The following COL6A6 variants were observed in gnomAD, a reference collection of about 807,000 sequenced individuals.
The protein encoded by COL6A6 is collagen alpha-6(VI) chain.
A neutral mutation model predicts 208.6 loss-of-function variants in COL6A6; 183 were observed. The observed-to-expected ratio is 0.88, with a 90% CI of 0.78 to 0.99. The LOEUF is 0.99. COL6A6 is among the 50% of genes least tolerant of loss of function. The pLI is 0.00. For missense variants in COL6A6, 2,816 were observed against 2,815.2 expected, an observed-to-expected ratio of 1.00 and a Z score of -0.01; for synonymous variants, 973 against 1,011.8, an observed-to-expected ratio of 0.96 and a Z score of 0.73.
Position 130,599,790 on chromosome 3 carries a change from C to T in COL6A6, c.4633C>T (p.Pro1545Ser). The T allele has an allele frequency of 6.2e-7, 1 of 1,613,718 alleles. No individual in the cohort carries two copies. The highest frequency in any genetic ancestry group is 8.5e-7 in the Non-Finnish European group (1 of 1,179,756). The stretch of plus-strand genomic sequence containing the variant: ...AGGCTGGCCAGGCCCCCCCGGGACA[C>T]CAGGCTCCAGAAGAAAGACAGTAAG... ...RRGWPGPPGT[P>S]GSRRKTAAHG... The change falls in exon 20 of 37, where the codon CCA becomes TCA. Residue 1545 changes from proline (P) to serine (S), a missense_variant. By Grantham distance (74) the Pro-to-Ser change is moderately conservative. Coordinates refer to ENST00000358511, the MANE Select transcript of COL6A6 (RefSeq NM_001102608.3).
intron 1 of COL6A6, among the ~76,000 whole-genome samples, chr3:130,523,427 G>A (rs893232596): frequency 2.6e-5 from 4 of 152,148 alleles, no homozygotes; most frequent in Non-Finnish European, 5.9e-5. Context: ...TGAAGTATCT[G>A]TTGTATGAAT....
intron 18 of COL6A6, 114 bp downstream of exon 18, chr3:130,594,457 G>A (rs903479332): frequency 5.3e-6 from 4 of 755,308 alleles, no homozygotes; most frequent in African/African-American, 5.3e-5. Context: ...AACACCACAG[G>A]CATGATTGTA....
intron 33 of COL6A6, among the ~76,000 whole-genome samples, chr3:130,651,179 G>A (rs979282350): frequency 1.3e-5 from 2 of 152,158 alleles, no homozygotes; most frequent in African/African-American, 4.8e-5. Context: ...TGTAATCCCA[G>A]CATTTTGGGA....
intron 1 of COL6A6, among the ~76,000 whole-genome samples, chr3:130,543,416 A>G (rs1023721722): frequency 1.3e-5 from 2 of 151,860 alleles, no homozygotes; most frequent in African/African-American, 4.8e-5. Context: ...CTTTGTTCCT[A>G]TTTTTATCTT....
rs749860770 is a variant in COL6A6, at chr3:130,574,096, G to A, written c.3118G>A (p.Gly1040Arg). The change falls in exon 8 of 37, where the codon GGA (glycine) becomes AGA (arginine). Residue 1040 changes from glycine to arginine, a missense_variant. Transcript: ENST00000358511. ...FDVSLNRVRI[G>R]AAQFSDTYHP... ...TGTCAGCCTCAACAGAGTGCGAATA[G>A]GAGCGGCCCAGTTTAGCGATACCTA... 2 of 1,613,966 alleles carry A rather than the reference G, an allele frequency of 1.2e-6. No individual in the cohort carries two copies. Among genetic ancestry groups the A allele is most frequent in the South Asian group, 1.1e-5 (1 of 91,078 alleles).
Position 130,649,536 on chromosome 3 carries a change from G to T in COL6A6, c.5707G>T (p.Val1903Leu). ...IIPVVITFSN[V>L]PSVRRAFAID... ...TCCCGTGGTGATCACTTTCAGCAAC[G>T]TGCCCTCGGTCAGGCGCGCATTTGC... Residue 1903 changes from valine to leucine, a missense_variant, in exon 33 of 37, where the codon GTG becomes TTG. Val to Leu is a conservative substitution (Grantham distance 32, BLOSUM62 1). Coordinates refer to ENST00000358511, the MANE Select transcript of COL6A6 (RefSeq NM_001102608.3). 6.3e-7 allele frequency: 1 copy of T among 1,596,352 alleles called. No individual in the cohort carries two copies. Among genetic ancestry groups the T allele is most frequent in the South Asian group, 1.1e-5 (1 of 88,718 alleles).
chr3:130,536,879 A>G (rs1271824993), intron 1 of COL6A6, among the ~76,000 whole-genome samples: 1 of 152,272 alleles, frequency 6.6e-6, no homozygotes, highest in Non-Finnish European at 1.5e-5. Flanking sequence ...GAGTCCAATT[A>G]GAAAGCTTTT....
In COL6A6 at chr3:130,589,078, C is replaced by A; in HGVS notation, c.4126-12C>A. On this transcript the variant is annotated splice_polypyrimidine_tract_variant and intron_variant, in intron 11 of 36. Transcript: ENST00000358511. ...ACCACCAAATGTAATGTATTTCTTACCCTCTCCCAAGGTCAATGTTGCTGA... is the reference window on the plus strand; with the variant it reads ...ACCACCAAATGTAATGTATTTCTTAACCTCTCCCAAGGTCAATGTTGCTGA... 1 of 1,609,168 alleles carries A rather than the reference C, an allele frequency of 6.2e-7. No homozygotes were observed. The highest frequency in any genetic ancestry group is 8.5e-7 in the Non-Finnish European group (1 of 1,175,804).
chr3:130,604,290 G>A (rs996032678), intron 20 of COL6A6, among the ~76,000 whole-genome samples: 8 of 151,836 alleles, frequency 5.3e-5, no homozygotes, highest in East Asian at 1.9e-4. Flanking sequence ...TCAGGAGATC[G>A]AGACCATCCT....
intron 32 of COL6A6, among the ~76,000 whole-genome samples, chr3:130,647,070 C>G (rs1186810225): frequency 1.3e-5 from 2 of 152,138 alleles, no homozygotes; most frequent in Non-Finnish European, 2.9e-5. Context: ...TTTTCACCTC[C>G]TCTGTGGCAA....
chr3:130,567,723 G>T (rs1283054792), intron 5 of COL6A6, among the ~76,000 whole-genome samples: 2 of 150,490 alleles, frequency 1.3e-5, no homozygotes, highest in Non-Finnish European at 2.9e-5. Flanking sequence ...ACTGGAGGGT[G>T]CTCCTGTCAT....
At chr3:130,570,710 C>G (rs2063141706) in intron 6 of COL6A6, 108 bp from the exon 7 acceptor site, 1 of 782,472 alleles carries the variant, frequency 1.3e-6, no homozygotes, top group African/African-American at 1.7e-5. Context: ...TAATGCACAG[C>G]ATGATCCCCT....
intron 20 of COL6A6, among the ~76,000 whole-genome samples, chr3:130,606,280 G>T (rs777621985): frequency 2.6e-4 from 40 of 152,186 alleles, no homozygotes; most frequent in Middle Eastern, 3.4e-3. Flanking sequence ...AATATATCTA[G>T]ACCCTACACT....
chr3:130,626,807 T>C (rs1014049595), intron 25 of COL6A6, among the ~76,000 whole-genome samples: 3 of 152,140 alleles, frequency 2.0e-5, no homozygotes, highest in Non-Finnish European at 4.4e-5. Flanking sequence ...TCTTCAGCAA[T>C]CCCGTAACCC....
At chr3:130,651,786 C>T (rs981200790) in intron 33 of COL6A6, among the ~76,000 whole-genome samples, 2 of 152,184 alleles carry the variant, frequency 1.3e-5, no homozygotes, top group Admixed American at 6.5e-5. Context: ...AACTTTCTCT[C>T]CTGATGCAAA....
At chr3:130,675,094 G>A in intron 36 of COL6A6, 108 bp from the exon 37 acceptor site, 1 of 725,752 alleles carries the variant, frequency 1.4e-6, no homozygotes, top group Non-Finnish European at 2.1e-6. Flanking sequence ...GAGGAAGGCT[G>A]CAACAAGGAA....
chr3:130,663,488 G>A (rs922218658), intron 35 of COL6A6, among the ~76,000 whole-genome samples: 5 of 151,990 alleles, frequency 3.3e-5, no homozygotes, highest in Non-Finnish European at 5.9e-5. Flanking sequence ...AAGAAGAGCT[G>A]AGGAAAAAAA....
intron 13 of COL6A6, 25 bp downstream of exon 13, chr3:130,591,119 C>T (rs758163832): frequency 6.6e-7 from 1 of 1,519,728 alleles, no homozygotes; most frequent in South Asian, 1.2e-5. Context: ...TTTTTTACCT[C>T]CATTTATCCC....
At chr3:130,567,985 G>A in intron 5 of COL6A6, 62 bp from the exon 6 acceptor site, 2 of 1,338,710 alleles carry the variant, frequency 1.5e-6, no homozygotes, top group South Asian at 2.8e-5. Context: ...GGATTTTCCT[G>A]TTTACTCTGA....
Sources: gnomAD v4.1 joint callset for allele counts (sites outside exome capture counted in the v4.1 genomes callset) on GRCh38, gnomAD v4.1.1 for gene constraint, MANE v1.5 for transcripts, NCBI Gene and HGNC (gene_info 2026-07-23, HGNC 2026-07-21) for gene names.